THSD4: variants seen among roughly 807,000 people sequenced by gnomAD.
The protein encoded by THSD4 is thrombospondin type 1 domain containing 4, also known as thrombospondin type-1 domain-containing protein 4.
THSD4 carries 69 observed loss-of-function variants against 119.0 expected under a neutral mutation model. That is an observed-to-expected ratio of 0.58 (90% CI 0.48 to 0.71). The LOEUF (loss-of-function observed/expected upper bound fraction) is 0.71. Among genes scored for constraint, THSD4 ranks in the 30% least tolerant of loss-of-function variants. THSD4 has a pLI of 0.00. For missense variants in THSD4, 1,393 were observed against 1,391.1 expected (o/e 1.00, Z -0.02); for synonymous variants, 524 against 540.4 (o/e 0.97, Z 0.42).
chr15:71,593,945 A>G (rs1206886198), intron 7 of THSD4, among the ~76,000 whole-genome samples: 1 of 149,866 alleles, frequency 6.7e-6, no homozygotes, highest in Non-Finnish European at 1.5e-5. Context: ...TTACTACCCA[A>G]ATTAGTGACT....
intron 8 of THSD4, among the ~76,000 whole-genome samples, chr15:71,694,663 C>T (rs550915267): frequency 6.6e-6 from 1 of 152,162 alleles, no homozygotes; most frequent in South Asian, 2.1e-4. Context: ...CGATTGCTGC[C>T]CATATTATGA....
At chr15:71,311,960 C>T (rs889736366) in intron 6 of THSD4, among the ~76,000 whole-genome samples, 5 of 152,130 alleles carry the variant, frequency 3.3e-5, no homozygotes, top group African/African-American at 7.2e-5. Flanking sequence ...CTGCCAACCC[C>T]TCCCCATAGC....
intron 8 of THSD4, among the ~76,000 whole-genome samples, chr15:71,682,868 CTTTCTTTCTTTCTTTCTTTCT>C (rs2051816183): frequency 1.1e-4 from 2 of 18,514 alleles, no homozygotes; most frequent in East Asian, 9.7e-4. Flanking sequence ...TTCTTTCTTT[CTTTCTTTCTTTCTTTCTTTCT>C]TTCTTTCTTT....
At position 71,558,897 on chromosome 15, in the gene THSD4, T is replaced by TTA. The variant is rs748188028; in HGVS notation, c.1153-101629_1153-101628dup. On this transcript the variant is annotated intron_variant, in intron 7 of 17. Coordinates refer to ENST00000261862, the MANE Select transcript of THSD4 (RefSeq NM_024817.3). Reference sequence around the variant, plus strand: ...AATTTGAAATTAATTTCTAACTTGATTATATTGTGGTCTGAGAATGTGGTA... The same window carrying TTA: ...AATTTGAAATTAATTTCTAACTTGATTATATATTGTGGTCTGAGAATGTGGTA... Among the ~76,000 whole-genome samples the TTA allele has an allele frequency of 1.3e-4, 20 of 152,288 alleles. No homozygotes were observed. In the East Asian group the frequency reaches 2.5e-3, roughly 19 times the overall value.
intron 7 of THSD4, among the ~76,000 whole-genome samples, chr15:71,581,001 G>A (rs1348349194): frequency 6.6e-6 from 1 of 152,008 alleles, no homozygotes; most frequent in Non-Finnish European, 1.5e-5. Context: ...TGGCTATTGT[G>A]AATAATGCTG....
At chr15:71,569,551 A>G (rs775974493) in intron 7 of THSD4, among the ~76,000 whole-genome samples, 4 of 152,250 alleles carry the variant, frequency 2.6e-5, no homozygotes, top group Non-Finnish European at 5.9e-5. Context: ...GCAAAGAGGA[A>G]ACTGGGTAGA....
At chr15:71,433,166 TTC>T (rs540840365) in intron 7 of THSD4, among the ~76,000 whole-genome samples, 91 of 151,768 alleles carry the variant, frequency 6.0e-4, no homozygotes, top group African/African-American at 2.1e-3. Flanking sequence ...AGTTTATTCT[TTC>T]TTTGTGAAAT....
intron 8 of THSD4, among the ~76,000 whole-genome samples, chr15:71,681,644 T>C (rs1262089488): frequency 2.1e-5 from 3 of 140,632 alleles, no homozygotes; most frequent in South Asian, 2.2e-4. Context: ...CACTTAACTC[T>C]AGCCTGGGCA....
chr15:71,377,918 T>C (rs2046171634), intron 6 of THSD4, among the ~76,000 whole-genome samples: 1 of 43,426 alleles, frequency 2.3e-5, no homozygotes, highest in Admixed American at 3.0e-4. Flanking sequence ...ACACACAATT[T>C]CCTTCAGTGA....
intron 6 of THSD4, among the ~76,000 whole-genome samples, chr15:71,319,502 A>C (rs570234791): frequency 2.5e-4 from 38 of 150,464 alleles, no homozygotes; most frequent in African/African-American, 7.1e-4. Context: ...TGCGGTGTTC[A>C]GTTTTCTGTC....
At chr15:71,672,765 G>A (rs539684021) in intron 8 of THSD4, among the ~76,000 whole-genome samples, 1 of 152,228 alleles carries the variant, frequency 6.6e-6, no homozygotes, top group Admixed American at 6.5e-5. Context: ...TTTGTCTTTG[G>A]TTCTGTTTAT....
chr15:71,554,199 C>G (rs1324637467), intron 7 of THSD4, among the ~76,000 whole-genome samples: 1 of 149,560 alleles, frequency 6.7e-6, no homozygotes, highest in Non-Finnish European at 1.5e-5. Context: ...ACGCCATTCT[C>G]CTGCCTCAGC....
intron 5 of THSD4, among the ~76,000 whole-genome samples, chr15:71,244,809 G>T (rs575432389): frequency 6.6e-6 from 1 of 152,152 alleles, no homozygotes; most frequent in East Asian, 1.9e-4. Context: ...CTTTTAAAAC[G>T]AAATGAATTC....
rs138674535 is a variant in THSD4, at chr15:71,209,235, A to T, written c.100-5800A>T. 1.5e-3 allele frequency among the ~76,000 whole-genome samples: 234 copies of T among 152,294 alleles called. 3 individuals are homozygous for T. Among genetic ancestry groups the T allele is most frequent in the Admixed American group, 0.011 (174 of 15,306 alleles). On this transcript the variant is annotated intron_variant, in intron 3 of 17. Coordinates refer to ENST00000261862, the MANE Select transcript of THSD4 (RefSeq NM_024817.3). ...ATTTCCTCTGTCCCTGCTGGGGGACATGTTAGATGCCTTACCTAGCCATTT... is the reference window on the plus strand; with the variant it reads ...ATTTCCTCTGTCCCTGCTGGGGGACTTGTTAGATGCCTTACCTAGCCATTT...
intron 6 of THSD4, among the ~76,000 whole-genome samples, chr15:71,269,188 C>T (rs929875084): frequency 2.0e-5 from 3 of 152,086 alleles, no homozygotes; most frequent in Admixed American, 1.3e-4. Context: ...AACATTGATG[C>T]GAAAATTCTC....
rs191827602 is a variant in THSD4 at position 71,701,458 on chromosome 15, T to C, written c.1358-27091T>C. ...TAAGCAAACCCTTGATTTAGCAAAA[T>C]AGTCATTAAGAGCACAAAGACCTTT... On this transcript the variant is annotated intron_variant, in intron 8 of 17. Coordinates refer to ENST00000261862, the MANE Select transcript of THSD4 (RefSeq NM_024817.3). Among the ~76,000 whole-genome samples, 40 of 152,228 alleles carry C rather than the reference T, an allele frequency of 2.6e-4. 1 individual carries two copies. The highest frequency in any genetic ancestry group is 2.2e-3 in the Admixed American group (33 of 15,300).
At chr15:71,693,700 G>C (rs2052101976) in intron 8 of THSD4, among the ~76,000 whole-genome samples, 1 of 152,148 alleles carries the variant, frequency 6.6e-6, no homozygotes, top group Non-Finnish European at 1.5e-5. Context: ...GGAGATAATT[G>C]AATCATGGAG....
At chr15:71,429,587 C>T (rs920550) in intron 7 of THSD4, among the ~76,000 whole-genome samples, 84,750 of 152,020 alleles carry the variant, frequency 0.56, 23,843 homozygotes, top group Middle Eastern at 0.64. Flanking sequence ...TTCATCCTTT[C>T]CTTTGGGAGA....
chr15:71,156,704 G>A (rs917136676), intron 3 of THSD4, among the ~76,000 whole-genome samples: 1 of 152,150 alleles, frequency 6.6e-6, no homozygotes, highest in African/African-American at 2.4e-5. Context: ...TTTATTTTCT[G>A]TTTGGGCTCT....
Sources: allele counts gnomAD v4.1 joint callset (sites outside exome capture counted in the v4.1 genomes callset), GRCh38; gene constraint gnomAD v4.1.1; transcripts MANE v1.5; gene names NCBI Gene and HGNC (gene_info 2026-07-23, HGNC 2026-07-21).